SLC8A1: variants seen among roughly 807,000 people sequenced by gnomAD.
The protein encoded by SLC8A1 is sodium/calcium exchanger 1.
Under a neutral mutation model 68.3 loss-of-function variants are expected in SLC8A1, and 18 were observed. The ratio of observed to expected loss-of-function variants is 0.26; its 90% CI spans 0.18 to 0.39. The LOEUF (loss-of-function observed/expected upper bound fraction) is 0.39, where lower values mean the gene tolerates loss of function less well. Among genes scored for constraint, SLC8A1 ranks in the 10% least tolerant of loss-of-function variants. SLC8A1 has a pLI of 1.00. For synonymous variants in SLC8A1, 475 were observed against 415.5 expected, an observed-to-expected ratio of 1.14 and a Z score of -1.74; for missense variants, 985 against 1,156.7, an observed-to-expected ratio of 0.85 and a Z score of 2.15.
chr2:40,452,274 TGCGCGCCCCTTGGGCTCCCC>T (rs1702657253), upstream of SLC8A1, among the ~76,000 whole-genome samples: 2 of 151,106 alleles, frequency 1.3e-5, no homozygotes, highest in African/African-American at 4.8e-5. Flanking sequence ...CGGGGCCCCC[TGCGCGCCCCTTGGGCTCCCC>T]AGGCGATCGC....
rs543194094 is a variant in SLC8A1, at chr2:40,194,469, ATGTGTGTGTGTG to A, written c.1809-16626_1809-16615del. ...AATGACTCAGGTTACTCAGTAAGCA[ATGTGTGTGTGTG>A]TGTGTGTGTGTGTGTGTGTGTGTGT... On this transcript the variant is annotated intron_variant, in intron 2 of 7. Transcript: ENST00000406785. Among the ~76,000 whole-genome samples the A allele has an allele frequency of 7.2e-3, 986 of 137,442 alleles. 10 individuals carry two copies. Among genetic ancestry groups the A allele is most frequent in the African/African-American group, 0.024 (899 of 36,978 alleles). The allele number at this position is 137,442 out of a possible 152,430, so 90.2% of individuals were successfully genotyped here. A position where few individuals can be genotyped will look rare whatever the true frequency, so the allele number is the denominator to read the frequency against.
intron 2 of SLC8A1, among the ~76,000 whole-genome samples, chr2:40,385,099 T>C (rs1025693203): frequency 6.6e-6 from 1 of 152,100 alleles, no homozygotes; most frequent in East Asian, 1.9e-4. Flanking sequence ...AATTCAACTC[T>C]TATAGTACTT....
intron 2 of SLC8A1, among the ~76,000 whole-genome samples, chr2:40,412,424 G>C (rs976154650): frequency 6.6e-6 from 1 of 151,930 alleles, no homozygotes; most frequent in African/African-American, 2.4e-5. Flanking sequence ...TGGTATATTA[G>C]GCACTGGATT....
chr2:40,169,293 A>G (rs975100115), intron 4 of SLC8A1, among the ~76,000 whole-genome samples: 1 of 152,214 alleles, frequency 6.6e-6, no homozygotes, highest in African/African-American at 2.4e-5. Flanking sequence ...GAGGCGGACA[A>G]GGCCAGTGGT....
chr2:40,285,360 G>A (rs1029299854), intron 2 of SLC8A1, among the ~76,000 whole-genome samples: 2 of 146,832 alleles, frequency 1.4e-5, no homozygotes, highest in Non-Finnish European at 2.9e-5. Context: ...AGTAAACACT[G>A]TGTAAAAGAC....
chr2:40,492,886 C>T (rs1705415086), intron 1 of SLC8A1, among the ~76,000 whole-genome samples: 1 of 151,370 alleles, frequency 6.6e-6, no homozygotes, highest in Non-Finnish European at 1.5e-5. Flanking sequence ...AACACTTTTA[C>T]ACTCTTGGTG....
intron 2 of SLC8A1, among the ~76,000 whole-genome samples, chr2:40,260,311 C>T (rs1184006858): frequency 6.6e-6 from 1 of 152,172 alleles, no homozygotes; most frequent in South Asian, 2.1e-4. Context: ...CACTGAAAAT[C>T]CAGATCAGCT....
chr2:40,277,796 A>G (rs1187516616), intron 2 of SLC8A1, among the ~76,000 whole-genome samples: 265 of 17,504 alleles, frequency 0.015, 1 homozygote, highest in South Asian at 0.098. Context: ...ATATGTGTGT[A>G]TATATATATA....
chr2:40,379,769 C>T (rs1249906532), intron 2 of SLC8A1, among the ~76,000 whole-genome samples: 1 of 151,960 alleles, frequency 6.6e-6, no homozygotes, highest in Non-Finnish European at 1.5e-5. Context: ...CCCAGAGCCA[C>T]ATTTTCCTTG....
intron 2 of SLC8A1, among the ~76,000 whole-genome samples, chr2:40,185,199 A>G (rs1463609509): frequency 2.0e-5 from 3 of 152,198 alleles, no homozygotes; most frequent in Non-Finnish European, 4.4e-5. Context: ...GAAGCCCTCA[A>G]AAGTTTAAAA....
At chr2:40,327,171 A>C (rs2075919018) in intron 2 of SLC8A1, among the ~76,000 whole-genome samples, 1 of 152,196 alleles carries the variant, frequency 6.6e-6, no homozygotes, top group Non-Finnish European at 1.5e-5. Context: ...TAATGCACAA[A>C]TAATTGTATG....
At chr2:40,419,851 G>C (rs1202852991) in intron 2 of SLC8A1, among the ~76,000 whole-genome samples, 2 of 152,032 alleles carry the variant, frequency 1.3e-5, no homozygotes, top group East Asian at 3.9e-4. Flanking sequence ...AACAGTTGCA[G>C]GCTTCTTTTA....
chr2:40,384,567 C>T lies in SLC8A1; in HGVS notation c.1808+43906G>A, dbSNP rs182596850. On this transcript the variant is annotated intron_variant, in intron 2 of 7. Coordinates refer to ENST00000406785, the Ensembl canonical transcript of SLC8A1. The stretch of plus-strand genomic sequence containing the variant: ...CTTCTATAAATAAGAAATGGACTCA[C>T]TTGGCCATCATTGCACCACCTATTG... Among the ~76,000 whole-genome samples the T allele has an allele frequency of 7.0e-4, 106 of 152,208 alleles. 1 individual carries two copies. The highest frequency in any genetic ancestry group is 6.5e-3 in the Admixed American group (99 of 15,280).
chr2:40,489,743 C>T (rs1025035973), intron 1 of SLC8A1, among the ~76,000 whole-genome samples: 7 of 152,032 alleles, frequency 4.6e-5, no homozygotes, highest in African/African-American at 1.7e-4. Flanking sequence ...TCAGCTCCAT[C>T]GAGAACCATT....
chr2:40,310,447 C>A (rs954871760), intron 2 of SLC8A1, among the ~76,000 whole-genome samples: 2 of 152,154 alleles, frequency 1.3e-5, no homozygotes, highest in African/African-American at 4.8e-5. Flanking sequence ...TGGGTCAGGA[C>A]AGAATCAATT....
At chr2:40,303,130 T>G (rs2071846973) in intron 2 of SLC8A1, among the ~76,000 whole-genome samples, 1 of 152,184 alleles carries the variant, frequency 6.6e-6, no homozygotes, top group Non-Finnish European at 1.5e-5. Context: ...TTTGGATAAG[T>G]GATGATTTCC....
chr2:40,428,699 T>A, exon 2 of SLC8A1: 3 of 1,613,812 alleles, frequency 1.9e-6, no homozygotes, highest in Non-Finnish European at 2.5e-6. Context: ...ATAGTTACAG[T>A]GGCAGTGGAG....
At chr2:40,305,531 A>C (rs1312041219) in intron 2 of SLC8A1, among the ~76,000 whole-genome samples, 1 of 152,206 alleles carries the variant, frequency 6.6e-6, no homozygotes, top group East Asian at 1.9e-4. Context: ...CTATGTATAC[A>C]CTATTCAGGA....
chr2:40,174,864 A>T (rs1481614122), intron 3 of SLC8A1, 22 bp from the exon 5 acceptor site: 2 of 1,604,196 alleles, frequency 1.2e-6, no homozygotes, highest in African/African-American at 2.7e-5. Context: ...AAAAACAACA[A>T]CAAATGTTAT....
Sources: allele counts gnomAD v4.1 joint callset (sites outside exome capture counted in the v4.1 genomes callset), GRCh38; gene constraint gnomAD v4.1.1; transcripts MANE v1.5; gene names NCBI Gene and HGNC (gene_info 2026-07-23, HGNC 2026-07-21).